The following COL5A1 variants were observed in gnomAD, a reference collection of about 807,000 sequenced individuals.
The protein encoded by COL5A1 is collagen alpha-1(V) chain.
In COL5A1, 16 loss-of-function variants were observed where a neutral mutation model predicts 263.7. The ratio of observed to expected loss-of-function variants is 0.06; its 90% CI spans 0.04 to 0.09. The LOEUF is 0.09. Ranked by LOEUF, COL5A1 falls within the 10% of genes least tolerant of loss-of-function variation. The pLI is 1.00. For synonymous variants in COL5A1, 1,012 were observed against 1,004.5 expected (o/e 1.01, Z -0.14); for missense variants, 2,036 against 2,540.5 (o/e 0.80, Z 4.27).
intron 37 of COL5A1, among the ~76,000 whole-genome samples, chr9:134,800,749 C>CAAAAAAAAAAAAAAAAA (rs397951217): frequency 1.2e-5 from 1 of 81,600 alleles, no homozygotes; most frequent in Non-Finnish European, 2.3e-5. Flanking sequence ...CTGTCTCAAA[C>CAAAAAAAAAAAAAAAAA]AAAAAAAAAA....
At chr9:134,763,330 G>A (rs548084168) in intron 19 of COL5A1, among the ~76,000 whole-genome samples, 2 of 152,232 alleles carry the variant, frequency 1.3e-5, no homozygotes, top group Admixed American at 1.3e-4. Context: ...CCAGAGGGTG[G>A]CCCAGGGGAT....
chr9:134,689,571 G>A (rs180777112), intron 1 of COL5A1, among the ~76,000 whole-genome samples: 12 of 152,338 alleles, frequency 7.9e-5, no homozygotes, highest in Admixed American at 7.8e-4. Context: ...ACCTGCTCAG[G>A]AGACAGTTGC....
intron 65 of COL5A1, among the ~76,000 whole-genome samples, chr9:134,839,160 G>A (rs1839940332): frequency 6.6e-6 from 1 of 152,234 alleles, no homozygotes; most frequent in African/African-American, 2.4e-5. Context: ...TGGGGCGCCT[G>A]ATTGACGGGG....
Position 134,789,502 on chromosome 9 carries a change from A to G in COL5A1, c.2700+294A>G, listed in dbSNP as rs1214412001. Among the ~76,000 whole-genome samples the G allele has an allele frequency of 1.3e-5, 2 of 152,216 alleles. No homozygotes were observed. Reference sequence around the variant, plus strand: ...CAGAAGGCTCTTTCAGGTCATTCTGAAAATCAGATTCTTCTCCTCTACCCA... The same window carrying G: ...CAGAAGGCTCTTTCAGGTCATTCTGGAAATCAGATTCTTCTCCTCTACCCA... On this transcript the variant is annotated intron_variant, in intron 32 of 65. Transcript: ENST00000371817. The surrounding 1 kb of genome is among the most constrained non-coding windows in gnomAD (Gnocchi z 4.8).
Position 134,842,067 on chromosome 9 carries a change from T to C in COL5A1, c.5371-90T>C, listed in dbSNP as rs1830118930. 6.6e-7 allele frequency: 1 copy of C among 1,516,468 alleles called. No individual in the cohort carries two copies. The highest frequency in any genetic ancestry group is 9.1e-7 in the Non-Finnish European group (1 of 1,096,006). 93.9% of individuals were successfully genotyped at this position (1,516,468 alleles called of 1,614,324 possible). On this transcript the variant is annotated intron_variant, in intron 65 of 65. Coordinates refer to ENST00000371817, the MANE Select transcript of COL5A1 (RefSeq NM_000093.5). The surrounding 1 kb of genome is among the most constrained non-coding windows in gnomAD (Gnocchi z 5.8). ...GGAGACAGGACACCAGCCTGGGTTT[T>C]GGAGCCAGACAGATTGTGGGGGGTG...
chr9:134,767,961 C>T (rs1836735773), intron 24 of COL5A1, among the ~76,000 whole-genome samples: 1 of 152,224 alleles, frequency 6.6e-6, no homozygotes, highest in Admixed American at 6.5e-5. Flanking sequence ...TGGGACCTTC[C>T]AGGAGCTGCT....
chr9:134,697,377 G>T (rs1209729621), intron 2 of COL5A1, among the ~76,000 whole-genome samples: 3 of 152,166 alleles, frequency 2.0e-5, no homozygotes, highest in African/African-American at 7.2e-5. Context: ...CTTGAGAAAC[G>T]GCATTTTAAT....
intron 63 of COL5A1, among the ~76,000 whole-genome samples, chr9:134,827,241 T>G (rs1839322816): frequency 2.6e-5 from 4 of 152,184 alleles, no homozygotes; most frequent in Non-Finnish European, 5.9e-5. Flanking sequence ...GCCATCCCCT[T>G]ACCCCTCAAT....
In COL5A1 at chr9:134,829,228, C is replaced by T. The variant is rs563637262; in HGVS notation, c.5068-748C>T. 4.1e-3 allele frequency among the ~76,000 whole-genome samples: 618 copies of T among 152,350 alleles called. 2 individuals carry two copies. Among genetic ancestry groups the T allele is most frequent in the Non-Finnish European group, 6.7e-3 (457 of 68,036 alleles). ...AACATGCAAAACGAGAGGCAGAGCG[C>T]ACCCTTCCTGGGCAGCAGCAGGGGC... is the stretch of plus-strand genomic sequence containing the variant. On this transcript the variant is annotated intron_variant, in intron 63 of 65. Transcript: ENST00000371817.
chr9:134,790,084 C>CCTATGCCCCATCCTG (rs1837614304), intron 32 of COL5A1, among the ~76,000 whole-genome samples: 4 of 152,342 alleles, frequency 2.6e-5, no homozygotes, highest in Admixed American at 1.3e-4. Flanking sequence ...AGCCCATCCT[C>CCTATGCCCCATCCTG]CTATGCCCCA....
rs777676295 is a variant in COL5A1, at chr9:134,755,617, G to A, written c.1828-1148G>A. ...TGTAGAAGCATCTGGGTGCTTTGCG[G>A]GGCTGAGTTGTGCTGTGAAATCCTG... is the stretch of plus-strand genomic sequence containing the variant. On this transcript the variant is annotated intron_variant, in intron 16 of 65. Coordinates refer to ENST00000371817, the MANE Select transcript of COL5A1 (RefSeq NM_000093.5). This position sits in a 1 kb window ranked among gnomAD's most constrained non-coding sequence, Gnocchi z 4.1. 3.9e-5 allele frequency among the ~76,000 whole-genome samples: 6 copies of A among 152,246 alleles called. No homozygotes were observed. The highest frequency in any genetic ancestry group is 7.3e-5 in the Non-Finnish European group (5 of 68,040).
chr9:134,673,517 T>C lies in COL5A1; in HGVS notation c.110-17395T>C, dbSNP rs1832602290. Among the ~76,000 whole-genome samples the C allele has an allele frequency of 3.9e-5, 6 of 152,070 alleles. No individual in the cohort carries two copies. In the South Asian group the frequency reaches 1.2e-3, roughly 32 times the overall value. On this transcript the variant is annotated intron_variant, in intron 1 of 65. Coordinates refer to ENST00000371817, the MANE Select transcript of COL5A1 (RefSeq NM_000093.5). ...GTGCTGAAACAACTGGATATCTATT[T>C]GCAATAGAATAAGCCATGACCCTTA...
At chr9:134,711,186 G>A (rs572580318) in intron 4 of COL5A1, among the ~76,000 whole-genome samples, 1 of 152,124 alleles carries the variant, frequency 6.6e-6, no homozygotes, top group African/African-American at 2.4e-5. Context: ...CTGTGGGCCT[G>A]CAGAGTCAGC....
chr9:134,756,875 G>A (rs1163323928), intron 17 of COL5A1, 57 bp downstream of exon 17: 1 of 1,541,320 alleles, frequency 6.5e-7, no homozygotes, highest in East Asian at 2.2e-5. Flanking sequence ...CTGGGGTCAT[G>A]TTGATGATGT....
chr9:134,697,405 G>T (rs1196411113), intron 2 of COL5A1, among the ~76,000 whole-genome samples: 2 of 152,218 alleles, frequency 1.3e-5, no homozygotes, highest in Non-Finnish European at 2.9e-5. Flanking sequence ...GGAGATGGGG[G>T]TTCGTGGGCC....
rs9409992 is a variant in COL5A1 at position 134,789,612 on chromosome 9, C to T, written c.2700+404C>T. ...CTTCAAAAATGTCCTGCTACTTAAC[C>T]GTCGTCCAAATTTAAAGTCATTTAA... On this transcript the variant is annotated intron_variant, in intron 32 of 65. Transcript: ENST00000371817. This position sits in a 1 kb window ranked among gnomAD's most constrained non-coding sequence, Gnocchi z 4.8. 0.5 allele frequency among the ~76,000 whole-genome samples: 76,013 copies of T among 152,134 alleles called. 19,463 individuals are homozygous for T. Among genetic ancestry groups the T allele is most frequent in the Admixed American group, 0.56 (8,522 of 15,282 alleles).
intron 13 of COL5A1, among the ~76,000 whole-genome samples, chr9:134,751,097 T>C (rs542144592): frequency 2.8e-5 from 4 of 140,620 alleles, no homozygotes; most frequent in South Asian, 4.7e-4. Flanking sequence ...GTAGGGGCTC[T>C]GAGAGCATGT....
At chr9:134,806,855 C>T (rs1049714930) in intron 42 of COL5A1, among the ~76,000 whole-genome samples, 3 of 152,258 alleles carry the variant, frequency 2.0e-5, no homozygotes, top group East Asian at 1.9e-4. Flanking sequence ...GGGTGGATAA[C>T]GGAAAGACAA....
intron 28 of COL5A1, 23 bp from the exon 29 acceptor site, chr9:134,782,644 G>A: frequency 1.2e-6 from 2 of 1,613,200 alleles, no homozygotes; most frequent in African/African-American, 1.3e-5. Context: ...CTAGACTAGG[G>A]CACTCTCTTG....
Sources: gnomAD v4.1 joint callset for allele counts (sites outside exome capture counted in the v4.1 genomes callset) on GRCh38, gnomAD v4.1.1 for gene constraint, Gnocchi (gnomAD v3.1) non-coding constraint, MANE v1.5 for transcripts, NCBI Gene and HGNC (gene_info 2026-07-23, HGNC 2026-07-21) for gene names.